The following HECW2 variants were observed in gnomAD, a reference collection of about 807,000 sequenced individuals.
HECW2 encodes the protein E3 ubiquitin-protein ligase HECW2.
HECW2 carries 61 observed loss-of-function variants against 175.2 expected under a neutral mutation model. The observed-to-expected ratio is 0.35, with a 90% CI of 0.28 to 0.43. The LOEUF (loss-of-function observed/expected upper bound fraction) is 0.43. Ranked by LOEUF, HECW2 falls within the 20% of genes least tolerant of loss-of-function variation. The probability of loss-of-function intolerance (pLI) is 1.00; values close to 1 mark genes in which losing one functional copy is unlikely to be tolerated. For missense variants in HECW2, 1,524 were observed against 2,000.5 expected, an observed-to-expected ratio of 0.76 and a Z score of 4.54; for synonymous variants, 671 against 731.0, an observed-to-expected ratio of 0.92 and a Z score of 1.32.
chr2:196,435,497 C>A (rs751664647), intron 1 of HECW2, among the ~76,000 whole-genome samples: 7 of 152,282 alleles, frequency 4.6e-5, no homozygotes, highest in South Asian at 2.1e-4. Flanking sequence ...TAAACTACTT[C>A]CCTGAAAGAA....
intron 1 of HECW2, among the ~76,000 whole-genome samples, chr2:196,508,331 C>G (rs1687836731): frequency 6.6e-6 from 1 of 152,198 alleles, no homozygotes; most frequent in African/African-American, 2.4e-5. Flanking sequence ...TCAAGACAAA[C>G]AGGCTGAGTA....
intron 7 of HECW2, among the ~76,000 whole-genome samples, chr2:196,321,507 C>A (rs1231693796): frequency 2.0e-5 from 3 of 151,394 alleles, no homozygotes; most frequent in African/African-American, 7.3e-5. Flanking sequence ...AGCAATTCTC[C>A]CAGCTTCAGC....
chr2:196,461,364 A>G (rs1696736550), intron 1 of HECW2, among the ~76,000 whole-genome samples: 1 of 152,218 alleles, frequency 6.6e-6, no homozygotes, highest in South Asian at 2.1e-4. Context: ...CCAATACTGA[A>G]TGCTCACAAG....
chr2:196,340,077 G>A (rs1692690954), intron 3 of HECW2, among the ~76,000 whole-genome samples: 1 of 151,930 alleles, frequency 6.6e-6, no homozygotes, highest in Admixed American at 6.6e-5. Flanking sequence ...TTAAACCTTT[G>A]TTTGGACTTC....
intron 6 of HECW2, 36 bp from the exon 7 acceptor site, chr2:196,322,656 G>A: frequency 6.4e-7 from 1 of 1,573,174 alleles, no homozygotes; most frequent in East Asian, 2.2e-5. Context: ...TGGTTTAAAA[G>A]AAAGACAAAT....
At chr2:196,270,905 A>C (rs1278793129) in intron 17 of HECW2, among the ~76,000 whole-genome samples, 1 of 152,134 alleles carries the variant, frequency 6.6e-6, no homozygotes, top group Admixed American at 6.5e-5. Context: ...CATGTTGGGC[A>C]GGATGGTCTT....
chr2:196,386,828 C>T (rs1575488740), intron 2 of HECW2, among the ~76,000 whole-genome samples: 1 of 152,214 alleles, frequency 6.6e-6, no homozygotes, highest in African/African-American at 2.4e-5. Flanking sequence ...GCATTAAATA[C>T]AAACAAAACT....
intron 8 of HECW2, 101 bp from the exon 9 acceptor site, chr2:196,320,005 C>T (rs1424785359): frequency 8.4e-7 from 1 of 1,190,740 alleles, no homozygotes; most frequent in Non-Finnish European, 1.1e-6. Context: ...AGAAATCAGT[C>T]ATTCTGAGGG....
chr2:196,398,090 T>G (rs1313823121), intron 2 of HECW2, among the ~76,000 whole-genome samples: 5 of 74,462 alleles, frequency 6.7e-5, no homozygotes, highest in Admixed American at 2.1e-4. Context: ...AAAAAGTGAG[T>G]GTAGGGGAAA....
At chr2:196,252,455 G>GCAGA (rs1381710180) in intron 19 of HECW2, among the ~76,000 whole-genome samples, 1 of 152,032 alleles carries the variant, frequency 6.6e-6, no homozygotes, top group Admixed American at 6.5e-5. Flanking sequence ...GATCATAAGT[G>GCAGA]CAGATCCCTC....
intron 2 of HECW2, among the ~76,000 whole-genome samples, chr2:196,411,806 T>C (rs529795148): frequency 3.9e-5 from 6 of 151,982 alleles, no homozygotes; most frequent in Admixed American, 2.0e-4. Flanking sequence ...AGGTCAAGAG[T>C]TTCAGACCAG....
At chr2:196,285,373 G>A (rs911127781) in intron 14 of HECW2, among the ~76,000 whole-genome samples, 1 of 152,116 alleles carries the variant, frequency 6.6e-6, no homozygotes, top group African/African-American at 2.4e-5. Context: ...GCTACAGAAC[G>A]CTACAGAAAG....
intron 1 of HECW2, among the ~76,000 whole-genome samples, chr2:196,479,727 A>G (rs1424373566): frequency 6.6e-6 from 1 of 152,138 alleles, no homozygotes; most frequent in Non-Finnish European, 1.5e-5. Flanking sequence ...CCTTATTTCT[A>G]TAATAGAACC....
intron 2 of HECW2, among the ~76,000 whole-genome samples, chr2:196,412,438 C>T (rs964178308): frequency 6.6e-6 from 1 of 152,174 alleles, no homozygotes; most frequent in African/African-American, 2.4e-5. Context: ...ACTGGGGTTA[C>T]GACTTCAACA....
rs188548949 is a variant in HECW2 at position 196,380,260 on chromosome 2, A to G, written c.293-36496T>C. Among the ~76,000 whole-genome samples the G allele has an allele frequency of 4.1e-4, 62 of 152,314 alleles. 1 individual carries two copies. The Middle Eastern group carries it at 0.014, about 33-fold the overall frequency. On this transcript the variant is annotated intron_variant, in intron 2 of 28. Transcript: ENST00000644978. ...TGTGTGTTTGATGGAACACTCCTTC[A>G]GTACTCTAAGCAGTTTATAGCTCTG...
rs956875451 is a variant in HECW2 at position 196,205,063 on chromosome 2, A to G, written c.4608-3675T>C. On this transcript the variant is annotated intron_variant, in intron 28 of 28. Transcript: ENST00000644978. ...TCGTAAGACATAATCAGCATTACTAATCCATAATCTAAGGCTATTGCTGCT... is the reference window on the plus strand; with the variant it reads ...TCGTAAGACATAATCAGCATTACTAGTCCATAATCTAAGGCTATTGCTGCT... 1.1e-4 allele frequency among the ~76,000 whole-genome samples: 17 copies of G among 152,206 alleles called. 1 individual carries two copies. The highest frequency in any genetic ancestry group is 4.1e-4 in the African/African-American group (17 of 41,442).
chr2:196,320,673 C>T lies in HECW2; in HGVS notation c.885-234G>A, dbSNP rs549155932. 1.2e-4 allele frequency among the ~76,000 whole-genome samples: 19 copies of T among 152,288 alleles called. No individual in the cohort carries two copies. In the East Asian group the frequency reaches 2.5e-3, roughly 20 times the overall value. The stretch of plus-strand genomic sequence containing the variant: ...GTTGCCATAAGAAAAATTATTATTA[C>T]GAGCACAAGACATCATATGCTATGT... On this transcript the variant is annotated intron_variant, in intron 7 of 28. Transcript: ENST00000644978.
intron 1 of HECW2, among the ~76,000 whole-genome samples, chr2:196,489,495 A>G (rs2375857): frequency 0.34 from 51,371 of 152,084 alleles, 11,900 homozygotes; most frequent in African/African-American, 0.66. Flanking sequence ...GTTCCACTCT[A>G]TAATGAAAGT....
At position 196,319,202 on chromosome 2, in the gene HECW2, C is replaced by A. The variant is rs768937552; in HGVS notation, c.1688G>T (p.Gly563Val). ...TTGAGAGCCACACAGTTCAGCACTG[C>A]CCTGGTCAGCACTGGGTTGAGGCTC... ...GPEPQPSADQGSAELCGSQEV... is the reference protein window; with the variant it reads ...GPEPQPSADQVSAELCGSQEV... Residue 563 changes from glycine (G) to valine (V), a missense_variant, in exon 9 of 29, where the codon GGC becomes GTC. Gly to Val is a moderately radical substitution (Grantham distance 109, BLOSUM62 -3). Transcript: ENST00000644978. The A allele has an allele frequency of 1.3e-6, 2 of 1,597,094 alleles. No homozygotes were observed. The highest frequency in any genetic ancestry group is 2.2e-5 in the East Asian group (1 of 44,748).
Sources: allele counts gnomAD v4.1 joint callset (sites outside exome capture counted in the v4.1 genomes callset), GRCh38; gene constraint gnomAD v4.1.1; transcripts MANE v1.5; gene names NCBI Gene and HGNC (gene_info 2026-07-23, HGNC 2026-07-21).